HOXC5: variants seen among roughly 807,000 people sequenced by gnomAD.
HOXC5 encodes the protein homeobox C5, also known as homeobox protein Hox-C5.
In HOXC5, 19 loss-of-function variants were observed where a neutral mutation model predicts 20.1. The observed-to-expected ratio is 0.94, with a 90% CI of 0.66 to 1.38. The LOEUF is 1.38. Among genes scored for constraint, HOXC5 ranks in the 40% most tolerant of loss-of-function variants. HOXC5 has a pLI of 0.00. For missense variants in HOXC5, 330 were observed against 300.1 expected, an observed-to-expected ratio of 1.10 and a Z score of -0.74; for synonymous variants, 124 against 117.0, an observed-to-expected ratio of 1.06 and a Z score of -0.39.
At chr12:54,028,591 G>A (rs1940837478), upstream of HOXC5, 5 of 1,613,978 alleles carry the variant, frequency 3.1e-6, no homozygotes, top group African/African-American at 1.3e-5. Context: ...CCTCCCCAAC[G>A]TCGCCCTCAA....
the HOXC5 span, among the ~76,000 whole-genome samples, chr12:54,026,644 C>T: frequency 6.6e-6 from 1 of 152,118 alleles, no homozygotes. Context: ...AAAACCAACA[C>T]AAATTGTCTG....
chr12:54,021,228 G>A, the HOXC5 span: 11 of 152,342 alleles, frequency 7.2e-5, no homozygotes, highest in East Asian at 2.1e-3. Context: ...AGCCCGATTT[G>A]CCTGCATCCG....
upstream of HOXC5, among the ~76,000 whole-genome samples, chr12:54,031,058 A>C (rs955014479): frequency 6.6e-6 from 1 of 152,236 alleles, no homozygotes. Flanking sequence ...TGCGGGAAAA[A>C]GCCGCGTAGG....
chr12:54,028,437 C>T (rs1281098310), upstream of HOXC5: 14 of 1,433,046 alleles, frequency 9.8e-6, no homozygotes, highest in Admixed American at 2.8e-4. Context: ...TGGAGCCGTC[C>T]CTATAACCAT....
At chr12:54,033,833 G>T (rs1039078560) in intron 1 of HOXC5, 19 of 542,130 alleles carry the variant, frequency 3.5e-5, no homozygotes, top group African/African-American at 2.1e-4. Flanking sequence ...AAAAATAGAG[G>T]GATCTGAAGG....
upstream of HOXC5, chr12:54,028,546 T>C: frequency 6.2e-7 from 1 of 1,614,044 alleles, no homozygotes; most frequent in Non-Finnish European, 8.5e-7. Flanking sequence ...CACTAACCCT[T>C]CCTTATCCTG....
chr12:54,019,117 A>T, the HOXC5 span, among the ~76,000 whole-genome samples: 421 of 114,074 alleles, frequency 3.7e-3, 1 homozygote, highest in Middle Eastern at 0.055. Flanking sequence ...CGCAGCCATC[A>T]TAAAGGCCTC....
rs1370060145 is a variant in HOXC5, at chr12:54,034,265, G to T, written c.455-13G>T. 2 of 1,610,918 alleles carry T rather than the reference G, an allele frequency of 1.2e-6. No homozygotes were observed. Among genetic ancestry groups the T allele is most frequent in the African/African-American group, 1.3e-5 (1 of 75,014 alleles). The stretch of plus-strand genomic sequence containing the variant: ...TCACCCCTTCCTGGCTTGGGGTGGG[G>T]TTTATGTTCCAGAGACGGACGGCAA... On this transcript the variant is annotated splice_polypyrimidine_tract_variant and intron_variant, in intron 1 of 1. Coordinates refer to ENST00000312492, the MANE Select transcript of HOXC5 (RefSeq NM_018953.4).
chr12:54,026,358 C>T, the HOXC5 span, among the ~76,000 whole-genome samples: 4 of 152,280 alleles, frequency 2.6e-5, no homozygotes, highest in East Asian at 7.7e-4. Flanking sequence ...TCAGGCATGC[C>T]ATGAATTCGA....
chr12:54,028,734 C>T, upstream of HOXC5: 1 of 1,614,162 alleles, frequency 6.2e-7, no homozygotes, highest in South Asian at 1.1e-5. Context: ...GGCCGTATGA[C>T]TATGGATCTA....
Position 54,034,484 on chromosome 12 carries a change from G to T in HOXC5, c.661G>T (p.Ala221Ser). 1 of 1,613,628 alleles carries T rather than the reference G, an allele frequency of 6.2e-7. No homozygotes were observed. Among genetic ancestry groups the T allele is most frequent in the East Asian group, 2.2e-5 (1 of 44,884 alleles). Residue 221 changes from alanine (A) to serine (S), a missense_variant, in exon 2 of 2, where the codon GCT becomes TCT. Physicochemically the swap from Ala to Ser is moderately conservative, Grantham distance 99. Transcript: ENST00000312492. ...KKDSKMKSKEAL is the reference protein window; with the variant it reads ...KKDSKMKSKESL ...AGATTCCAAAATGAAAAGCAAAGAG[G>T]CTCTTTAGAGGCAGCGGGGGAGGCC...
Position 54,034,683 on chromosome 12 carries a change from T to C in HOXC5, c.*191T>C. The C allele has an allele frequency of 1.7e-6, 1 of 582,988 alleles. No individual in the cohort carries two copies. The highest frequency in any genetic ancestry group is 4.6e-4 in the Middle Eastern group (1 of 2,160). The allele number at this position is 582,988 out of a possible 1,614,324, so 36.1% of individuals were successfully genotyped here. A position where few individuals can be genotyped will look rare whatever the true frequency, so the allele number is the denominator to read the frequency against. ...CCGACCCAGGGTTCCCGCGGGGCTG[T>C]CGGCGCTGCCCCATCTCCCCTCAGC... On this transcript the variant is annotated 3_prime_UTR_variant, in exon 2 of 2. Transcript: ENST00000312492.
chr12:54,034,116 G>GGGGCT lies in HOXC5; in HGVS notation c.455-149_455-145dup, dbSNP rs1165228816. On this transcript the variant is annotated intron_variant, in intron 1 of 1. Coordinates refer to ENST00000312492, the MANE Select transcript of HOXC5 (RefSeq NM_018953.4). Reference sequence around the variant, plus strand: ...CTGCCTGGGCGGAGGCGCCTCTCCCGGGGCTGGGCTGGGCTGGCCCGCCTG... The same window carrying GGGGCT: ...CTGCCTGGGCGGAGGCGCCTCTCCCGGGGCTGGGCTGGGCTGGGCTGGCCCGCCTG... 1.5e-5 allele frequency: 11 copies of GGGGCT among 745,944 alleles called. 1 individual carries two copies. In the Middle Eastern group the frequency reaches 7.7e-4, roughly 52 times the overall value. The allele number at this position is 745,944 out of a possible 1,614,324, so 46.2% of individuals were successfully genotyped here.
chr12:54,033,095 G>T lies in HOXC5; in HGVS notation c.-28G>T. On this transcript the variant is annotated 5_prime_UTR_variant, in exon 1 of 2. Coordinates refer to ENST00000312492, the MANE Select transcript of HOXC5 (RefSeq NM_018953.4). Reference sequence around the variant, plus strand: ...CAAATCACCCTTAATCAAAAAGGGTGCAGAAATTTTTTTGGGCCCTCCCCG... The same window carrying T: ...CAAATCACCCTTAATCAAAAAGGGTTCAGAAATTTTTTTGGGCCCTCCCCG... 1 of 1,582,262 alleles carries T rather than the reference G, an allele frequency of 6.3e-7. No homozygotes were observed.
At chr12:54,029,092 C>A (rs1015089034), upstream of HOXC5, among the ~76,000 whole-genome samples, 2 of 151,816 alleles carry the variant, frequency 1.3e-5, no homozygotes, top group Admixed American at 6.6e-5. Context: ...GCCTCTCGCT[C>A]GCTTGCAGGG....
chr12:54,033,916 C>T (rs1157193254), intron 1 of HOXC5: 1 of 447,378 alleles, frequency 2.2e-6, no homozygotes, highest in Non-Finnish European at 4.3e-6. Context: ...GAGCCGGCTC[C>T]GCCGGCGCTT....
intron 1 of HOXC5, chr12:54,033,961 CG>C: frequency 2.5e-6 from 1 of 404,076 alleles, no homozygotes; most frequent in South Asian, 2.0e-5. Flanking sequence ...TCGGGAGGGG[CG>C]GGAGGGGGGT....
At chr12:54,028,158 T>A (rs1940805024), upstream of HOXC5, among the ~76,000 whole-genome samples, 3 of 152,068 alleles carry the variant, frequency 2.0e-5, no homozygotes, top group African/African-American at 7.2e-5. Flanking sequence ...GCTGAGAGAT[T>A]TCCTGGTAGT....
At chr12:54,027,123 C>T in the HOXC5 span, among the ~76,000 whole-genome samples, 1 of 152,248 alleles carries the variant, frequency 6.6e-6, no homozygotes, top group African/African-American at 2.4e-5. Context: ...TTTCAGTTCG[C>T]CTACTGCGGC....
Sources: allele counts gnomAD v4.1 joint callset (sites outside exome capture counted in the v4.1 genomes callset), GRCh38; gene constraint gnomAD v4.1.1; transcripts MANE v1.5; gene names NCBI Gene and HGNC (gene_info 2026-07-23, HGNC 2026-07-21).